Variants in UBL3 observed in about 807,000 individuals in gnomAD.
UBL3 encodes the protein ubiquitin-like protein 3.
A neutral mutation model predicts 18.4 loss-of-function variants in UBL3; 6 were observed. The ratio of observed to expected loss-of-function variants is 0.33; its 90% confidence interval spans 0.18 to 0.64. UBL3 has a LOEUF of 0.64. Ranked by LOEUF, UBL3 falls within the 30% of genes least tolerant of loss-of-function variation. The pLI is 0.76. For synonymous variants in UBL3, 49 were observed against 46.6 expected, an observed-to-expected ratio of 1.05 and a Z score of -0.21; for missense variants, 109 against 142.9, an observed-to-expected ratio of 0.76 and a Z score of 1.21.
intron 1 of UBL3, among the ~76,000 whole-genome samples, chr13:29,801,982 C>T (rs1187980357): frequency 3.3e-5 from 5 of 152,224 alleles, no homozygotes; most frequent in African/African-American, 1.2e-4. Flanking sequence ...CATCCAAGGG[C>T]AGCAGTGTGC....
chr13:29,777,223 T>A lies in UBL3; in HGVS notation c.68A>T (p.Glu23Val). ...RLILVSGKTK[E>V]FLFSPNDSAS... Reference sequence around the variant, plus strand: ...AGAATCGTTAGGAGAAAACAGGAACTCTTTTGTTTTTCCGCTTACCAAAAT... The same window carrying A: ...AGAATCGTTAGGAGAAAACAGGAACACTTTTGTTTTTCCGCTTACCAAAAT... The change falls in exon 2 of 5, where the codon GAG becomes GTG. Residue 23 changes from glutamate to valine, a missense_variant. By Grantham distance (121) the Glu-to-Val change is moderately radical. Coordinates refer to ENST00000380680, the MANE Select transcript of UBL3 (RefSeq NM_007106.4). 6.2e-7 allele frequency: 1 copy of A among 1,610,334 alleles called. No individual in the cohort carries two copies. Among genetic ancestry groups the A allele is most frequent in the Non-Finnish European group, 8.5e-7 (1 of 1,178,132 alleles).
intron 1 of UBL3, among the ~76,000 whole-genome samples, chr13:29,791,743 T>A (rs1016254697): frequency 1.3e-5 from 2 of 152,154 alleles, no homozygotes; most frequent in African/African-American, 4.8e-5. Context: ...TTCTGACTCA[T>A]GTTTGCTGTC....
Sources: allele counts gnomAD v4.1 joint callset (sites outside exome capture counted in the v4.1 genomes callset), GRCh38; gene constraint gnomAD v4.1.1; transcripts MANE v1.5; gene names NCBI Gene and HGNC (gene_info 2026-07-23, HGNC 2026-07-21).